The following C9 variants were observed in gnomAD, a reference collection of about 807,000 sequenced individuals.
C9 encodes complement component C9.
Under a neutral mutation model 65.4 loss-of-function variants are expected in C9, and 63 were observed. The observed-to-expected ratio is 0.96, with a 90% CI of 0.79 to 1.19. The LOEUF (loss-of-function observed/expected upper bound fraction) is 1.19, where lower values mean the gene tolerates loss of function less well. Among genes scored for constraint, C9 ranks in the 50% most tolerant of loss-of-function variants. C9 has a pLI of 0.00. For missense variants in C9, 744 were observed against 670.1 expected (o/e 1.11, Z -1.22); for synonymous variants, 229 against 227.9 (o/e 1.00, Z -0.04).
chr5:39,285,082 G>T lies in C9; in HGVS notation c.*117C>A. 1.1e-6 allele frequency: 1 copy of T among 870,314 alleles called. No homozygotes were observed. Among genetic ancestry groups the T allele is most frequent in the Non-Finnish European group, 2.0e-6 (1 of 509,262 alleles). 53.9% of individuals were successfully genotyped at this position (870,314 alleles called of 1,614,324 possible). ...AAGAGAGAAGAGACTTCAGAGGTTG[G>T]TAGGATTTTCATGAAGCATGTTGCT... On this transcript the variant is annotated 3_prime_UTR_variant, in exon 11 of 11. Transcript: ENST00000263408.
At chr5:39,331,856 A>G (rs749846723) in intron 4 of C9, 42 bp from the exon 5 acceptor site, 4 of 1,585,784 alleles carry the variant, frequency 2.5e-6, no homozygotes, top group Non-Finnish European at 3.5e-6. Flanking sequence ...AAATACCACA[A>G]CACAATGCAA....
intron 10 of C9, among the ~76,000 whole-genome samples, chr5:39,286,570 G>C (rs748744355): frequency 6.6e-6 from 1 of 151,862 alleles, no homozygotes; most frequent in African/African-American, 2.4e-5. Flanking sequence ...CAAATGGATC[G>C]ACTATACAAA....
intron 4 of C9, 71 bp from the exon 5 acceptor site, chr5:39,331,885 G>T: frequency 7.7e-7 from 1 of 1,295,366 alleles, no homozygotes; most frequent in Admixed American, 1.7e-5. Flanking sequence ...TCTGTAGCTG[G>T]AAAAAGTGAG....
chr5:39,360,436 G>C (rs1377880533), intron 1 of C9, among the ~76,000 whole-genome samples: 1 of 152,018 alleles, frequency 6.6e-6, no homozygotes, highest in African/African-American at 2.4e-5. Context: ...CCCCAATCTA[G>C]TACTCCTTAG....
intron 1 of C9, among the ~76,000 whole-genome samples, chr5:39,357,170 C>A (rs1287112140): frequency 6.6e-6 from 1 of 152,158 alleles, no homozygotes; most frequent in Non-Finnish European, 1.5e-5. Context: ...TTCCAGGATA[C>A]TTTGTGGTAG....
chr5:39,350,320 G>A (rs1387504448), intron 1 of C9, among the ~76,000 whole-genome samples: 1 of 152,136 alleles, frequency 6.6e-6, no homozygotes, highest in Non-Finnish European at 1.5e-5. Context: ...AATTCAACGT[G>A]GGAGATGAGT....
chr5:39,341,456 C>T (rs964156015), intron 3 of C9, 100 bp downstream of exon 3: 25 of 1,505,626 alleles, frequency 1.7e-5, no homozygotes, highest in Non-Finnish European at 2.1e-5. Context: ...GCCTTTCACG[C>T]TTGGAAATCC....
At chr5:39,326,704 A>G (rs1159328326) in intron 5 of C9, among the ~76,000 whole-genome samples, 1 of 152,212 alleles carries the variant, frequency 6.6e-6, no homozygotes, top group East Asian at 1.9e-4. Context: ...GGGAAAGACT[A>G]CATATTTTCC....
chr5:39,313,879 C>T (rs1165559756), intron 6 of C9, among the ~76,000 whole-genome samples: 1 of 152,136 alleles, frequency 6.6e-6, no homozygotes, highest in Non-Finnish European at 1.5e-5. Context: ...CTTAACCTAA[C>T]TAAAATTTAA....
At position 39,311,305 on chromosome 5, in the gene C9, G is replaced by A; in HGVS notation, c.943C>T (p.Leu315Phe). 6.2e-7 allele frequency: 1 copy of A among 1,612,004 alleles called. No homozygotes were observed. The highest frequency in any genetic ancestry group is 8.5e-7 in the Non-Finnish European group (1 of 1,178,210). Residue 315 changes from leucine (L) to phenylalanine (F), a missense_variant, in exon 7 of 11, where the codon CTC (leucine) becomes TTC (phenylalanine). Transcript: ENST00000263408. ...ATATCATCCACAAAAGTTGTTGTGA[G>A]CACAACATCGCGATTTCTCATTACA... ...RFVMRNRDVV[L>F]TTTFVDDIKA...
chr5:39,308,159 T>A, intron 8 of C9, 71 bp downstream of exon 8: 1 of 1,349,622 alleles, frequency 7.4e-7, no homozygotes, highest in Non-Finnish European at 1.1e-6. Flanking sequence ...GAGGGCTCAT[T>A]GCAAGAGGGC....
intron 5 of C9, among the ~76,000 whole-genome samples, chr5:39,317,594 T>C (rs1418167503): frequency 6.6e-6 from 1 of 152,206 alleles, no homozygotes; most frequent in African/African-American, 2.4e-5. Context: ...ATTTATTAAA[T>C]AGGGAATCCT....
Position 39,310,227 on chromosome 5 carries a change from A to C in C9, c.1111+910T>G, listed in dbSNP as rs184128962. 9.8e-4 allele frequency among the ~76,000 whole-genome samples: 149 copies of C among 152,072 alleles called. 3 individuals are homozygous for C. Among genetic ancestry groups the C allele is most frequent in the African/African-American group, 3.4e-3 (141 of 41,470 alleles). ...ACGTCACAGTTACATTCCACCCTTC[A>C]CTTAACACCTGATACCTTGACACTG... On this transcript the variant is annotated intron_variant, in intron 7 of 10. Coordinates refer to ENST00000263408, the MANE Select transcript of C9 (RefSeq NM_001737.5).
In C9 at chr5:39,306,764, A is replaced by G. The variant is rs766974562; in HGVS notation, c.1269T>C (p.Asp423=). The G allele has an allele frequency of 1.9e-6, 3 of 1,612,632 alleles. No individual in the cohort carries two copies. The East Asian group carries it at 6.7e-5, about 36-fold the overall frequency. Residue 423 remains aspartate (D), a synonymous_variant, in exon 9 of 11, where the codon GAT becomes GAC. Coordinates refer to ENST00000263408, the MANE Select transcript of C9 (RefSeq NM_001737.5). ...CACCTCTTATGAGTGAAACAACATC[A>G]TCTATGAGGTTTTCACTGGTGATGT... The part of the protein sequence containing the change: ...AVNITSENLI[D]DVVSLIRGGT...
At chr5:39,334,946 G>A (rs1561348012) in intron 4 of C9, among the ~76,000 whole-genome samples, 1 of 151,838 alleles carries the variant, frequency 6.6e-6, no homozygotes, top group Non-Finnish European at 1.5e-5. Context: ...AGTAGACATG[G>A]GAGACTTTTC....
Position 39,299,939 on chromosome 5 carries a change from C to A in C9, c.1416+6678G>T, listed in dbSNP as rs188815768. On this transcript the variant is annotated intron_variant, in intron 9 of 10. Coordinates refer to ENST00000263408, the MANE Select transcript of C9 (RefSeq NM_001737.5). Reference sequence around the variant, plus strand: ...GCTAACTATACCTCTGATAAAGACTCTGATGACTGGAAAATGTACACTAAA... The same window carrying A: ...GCTAACTATACCTCTGATAAAGACTATGATGACTGGAAAATGTACACTAAA... Among the ~76,000 whole-genome samples, 651 of 152,208 alleles carry A rather than the reference C, an allele frequency of 4.3e-3. 6 individuals carry two copies. The highest frequency in any genetic ancestry group is 0.014 in the African/African-American group (578 of 41,560).
chr5:39,355,579 C>G (rs1467064828), intron 1 of C9, among the ~76,000 whole-genome samples: 5 of 152,064 alleles, frequency 3.3e-5, no homozygotes. Flanking sequence ...TTGAATGATT[C>G]AATCTATCAC....
chr5:39,358,711 C>T (rs185709939), intron 1 of C9, among the ~76,000 whole-genome samples: 42 of 152,104 alleles, frequency 2.8e-4, no homozygotes, highest in Middle Eastern at 3.4e-3. Context: ...CCGGGCCGGG[C>T]GCGGTGGCTC....
chr5:39,317,249 T>C (rs772415459), intron 5 of C9, among the ~76,000 whole-genome samples: 2 of 152,130 alleles, frequency 1.3e-5, no homozygotes, highest in Non-Finnish European at 2.9e-5. Flanking sequence ...GGATATTGGA[T>C]CTTTGTCAGA....
Sources: allele counts gnomAD v4.1 joint callset (sites outside exome capture counted in the v4.1 genomes callset), GRCh38; gene constraint gnomAD v4.1.1; transcripts MANE v1.5; gene names NCBI Gene and HGNC (gene_info 2026-07-23, HGNC 2026-07-21).